The following SNTG2 variants were observed in gnomAD, a reference collection of about 807,000 sequenced individuals.
SNTG2 encodes the protein syntrophin gamma 2.
Under a neutral mutation model 70.9 loss-of-function variants are expected in SNTG2, and 74 were observed. That is an observed-to-expected ratio of 1.04 (90% CI 0.86 to 1.27). The LOEUF is 1.27. Ranked by LOEUF, SNTG2 falls within the 50% of genes most tolerant of loss-of-function variation. The pLI, the probability that SNTG2 is intolerant of heterozygous loss-of-function variation, is 0.00. For synonymous variants in SNTG2, 278 were observed against 273.8 expected (o/e 1.02, Z -0.15); for missense variants, 717 against 690.7 (o/e 1.04, Z -0.43).
In SNTG2 at chr2:1,259,289, A is replaced by G. The variant is rs149675630; in HGVS notation, c.1006-81A>G. On this transcript the variant is annotated intron_variant, in intron 12 of 16. Transcript: ENST00000308624. ...ATTTAATTGAGGTGGACACACATGC[A>G]GTCACACTATTGTAAATTTTTAAAT... The G allele has an allele frequency of 6.5e-5, 76 of 1,177,028 alleles. No individual in the cohort carries two copies. In the East Asian group the frequency reaches 1.7e-3, roughly 27 times the overall value. 72.9% of individuals were successfully genotyped at this position (1,177,028 alleles called of 1,614,324 possible).
intron 1 of SNTG2, among the ~76,000 whole-genome samples, chr2:1,029,515 T>C (rs1660692973): frequency 6.6e-6 from 1 of 152,336 alleles, no homozygotes; most frequent in East Asian, 1.9e-4. Flanking sequence ...AATTAAGAAA[T>C]GGAATTTGGT....
At chr2:1,167,421 C>G (rs1410386818) in intron 7 of SNTG2, among the ~76,000 whole-genome samples, 2 of 146,082 alleles carry the variant, frequency 1.4e-5, no homozygotes, top group Non-Finnish European at 3.0e-5. Flanking sequence ...AGAACTGAAG[C>G]CTAGAAGCCG....
At chr2:1,098,665 T>A (rs940706955) in intron 4 of SNTG2, among the ~76,000 whole-genome samples, 2 of 152,188 alleles carry the variant, frequency 1.3e-5, no homozygotes, top group Non-Finnish European at 2.9e-5. Flanking sequence ...TTATCCCCCC[T>A]CTAAAGATAT....
intron 1 of SNTG2, among the ~76,000 whole-genome samples, chr2:964,704 G>A (rs772156032): frequency 6.6e-6 from 1 of 152,172 alleles, no homozygotes; most frequent in Non-Finnish European, 1.5e-5. Flanking sequence ...GACACGGGGA[G>A]CTCTGGGGTG....
At chr2:1,126,046 T>C (rs1206623241) in intron 4 of SNTG2, among the ~76,000 whole-genome samples, 1 of 152,206 alleles carries the variant, frequency 6.6e-6, no homozygotes, top group African/African-American at 2.4e-5. Context: ...CAATATATTA[T>C]TGCTAACTAT....
At chr2:1,151,938 C>T (rs1669525215) in intron 6 of SNTG2, among the ~76,000 whole-genome samples, 1 of 152,220 alleles carries the variant, frequency 6.6e-6, no homozygotes, top group African/African-American at 2.4e-5. Context: ...AATTCTAAGT[C>T]ATTTCTACTA....
intron 1 of SNTG2, among the ~76,000 whole-genome samples, chr2:1,058,442 ATGTT>A (rs2148107251): frequency 6.6e-6 from 1 of 152,274 alleles, no homozygotes; most frequent in East Asian, 1.9e-4. Flanking sequence ...ATCTTACATA[ATGTT>A]TGTTTTAGTG....
At chr2:1,237,035 T>A (rs1413631759) in intron 9 of SNTG2, among the ~76,000 whole-genome samples, 3 of 150,818 alleles carry the variant, frequency 2.0e-5, no homozygotes, top group African/African-American at 7.3e-5. Flanking sequence ...CTCTGCCTCC[T>A]GGGTTCAGGA....
In SNTG2 at chr2:1,300,249, C is replaced by T. The variant is rs149456694; in HGVS notation, c.1285-8245C>T. On this transcript the variant is annotated intron_variant, in intron 14 of 16. Coordinates refer to ENST00000308624, the MANE Select transcript of SNTG2 (RefSeq NM_018968.4). ...TGTGCAAGAAGGGTGCTTTAAATGA[C>T]GGCACTGTTACCATCACCGCTCTGA... Among the ~76,000 whole-genome samples the T allele has an allele frequency of 5.1e-3, 778 of 151,928 alleles. 4 individuals are homozygous for T. The highest frequency in any genetic ancestry group is 5.8e-3 in the Non-Finnish European group (396 of 67,944).
chr2:1,030,333 A>T (rs927099286), intron 1 of SNTG2, among the ~76,000 whole-genome samples: 1 of 152,096 alleles, frequency 6.6e-6, no homozygotes. Context: ...GAGCCACTTG[A>T]TCCCTGGGCC....
intron 1 of SNTG2, among the ~76,000 whole-genome samples, chr2:1,060,856 G>GC (rs1346780758): frequency 1.3e-5 from 2 of 152,202 alleles, no homozygotes; most frequent in African/African-American, 4.8e-5. Context: ...CAGACCAGGA[G>GC]CAGGATATGT....
At chr2:1,136,806 A>G (rs544481939) in intron 4 of SNTG2, among the ~76,000 whole-genome samples, 1 of 152,352 alleles carries the variant, frequency 6.6e-6, no homozygotes, top group East Asian at 1.9e-4. Flanking sequence ...AAGTGAAAAC[A>G]TGCTGCATAG....
At chr2:987,317 C>G (rs1458308783) in intron 1 of SNTG2, among the ~76,000 whole-genome samples, 1 of 152,100 alleles carries the variant, frequency 6.6e-6, no homozygotes, top group Non-Finnish European at 1.5e-5. Flanking sequence ...CAGAGATGGT[C>G]CCCATGGATG....
At chr2:1,096,470 C>T (rs1446756881) in intron 2 of SNTG2, among the ~76,000 whole-genome samples, 1 of 152,146 alleles carries the variant, frequency 6.6e-6, no homozygotes, top group African/African-American at 2.4e-5. Context: ...CACCCTTTGG[C>T]CTGCACCTCC....
At chr2:1,232,567 G>A (rs1676329832) in intron 9 of SNTG2, among the ~76,000 whole-genome samples, 2 of 151,976 alleles carry the variant, frequency 1.3e-5, no homozygotes, top group Non-Finnish European at 2.9e-5. Context: ...CAAAGTGCTG[G>A]GATTACAGGC....
chr2:1,090,739 T>C (rs1057502452), intron 2 of SNTG2, among the ~76,000 whole-genome samples: 2 of 152,152 alleles, frequency 1.3e-5, no homozygotes, highest in Admixed American at 6.5e-5. Flanking sequence ...AGGGGCCGCA[T>C]GCACTGTGTG....
intron 6 of SNTG2, among the ~76,000 whole-genome samples, chr2:1,143,676 C>A (rs1290948248): frequency 7.5e-6 from 1 of 134,052 alleles, no homozygotes; most frequent in Non-Finnish European, 1.6e-5. Context: ...TCGAGGCCAG[C>A]CTGGTCAACA....
At chr2:1,034,332 C>T (rs756382594) in intron 1 of SNTG2, among the ~76,000 whole-genome samples, 1 of 152,214 alleles carries the variant, frequency 6.6e-6, no homozygotes, top group Non-Finnish European at 1.5e-5. Flanking sequence ...ATATGTACAA[C>T]ATTTTCTTTA....
At chr2:1,077,575 A>ATTT in intron 1 of SNTG2, among the ~76,000 whole-genome samples, 3 of 152,236 alleles carry the variant, frequency 2.0e-5, no homozygotes, top group Admixed American at 2.0e-4. Context: ...TTAGTTTCGA[A>ATTT]TATGGTATTT....
Sources: gnomAD v4.1 joint callset for allele counts (sites outside exome capture counted in the v4.1 genomes callset) on GRCh38, gnomAD v4.1.1 for gene constraint, MANE v1.5 for transcripts, NCBI Gene and HGNC (gene_info 2026-07-23, HGNC 2026-07-21) for gene names.